Variants in USH2A observed in about 807,000 individuals in gnomAD.
USH2A encodes the protein Usher syndrome 2A (autosomal recessive, mild).
USH2A carries 443 observed loss-of-function variants against 538.9 expected under a neutral mutation model. The observed-to-expected ratio is 0.82, with a 90% CI of 0.76 to 0.89. The LOEUF is 0.89. USH2A is among the 40% of genes least tolerant of loss of function. The pLI, the probability that USH2A is intolerant of heterozygous loss-of-function variation, is 0.00. For missense variants in USH2A, 6,633 were observed against 6,324.8 expected (o/e 1.05, Z -1.65); for synonymous variants, 2,413 against 2,273.5 (o/e 1.06, Z -1.75).
At chr1:216,370,586 A>C (rs970408985) in intron 3 of USH2A, among the ~76,000 whole-genome samples, 2 of 142,772 alleles carry the variant, frequency 1.4e-5, no homozygotes, top group African/African-American at 2.6e-5. Flanking sequence ...AGGCTGAAGC[A>C]GAGAGTTGCT....
chr1:216,005,722 G>A (rs887490170), intron 32 of USH2A, among the ~76,000 whole-genome samples: 9 of 152,088 alleles, frequency 5.9e-5, no homozygotes, highest in Middle Eastern at 3.2e-3. Flanking sequence ...AGCTGTACCT[G>A]TCTGAATGCC....
intron 11 of USH2A, among the ~76,000 whole-genome samples, chr1:216,275,830 T>C (rs2036660811): frequency 6.6e-6 from 1 of 152,186 alleles, no homozygotes. Context: ...ATTTCCTATT[T>C]AGGAATTTTA....
chr1:216,203,459 A>G (rs2035044114), intron 16 of USH2A, among the ~76,000 whole-genome samples: 1 of 152,110 alleles, frequency 6.6e-6, no homozygotes, highest in Non-Finnish European at 1.5e-5. Flanking sequence ...ATTGTACTGT[A>G]GACTCACCTA....
intron 3 of USH2A, among the ~76,000 whole-genome samples, chr1:216,370,969 C>G (rs2038702911): frequency 6.6e-6 from 1 of 152,152 alleles, no homozygotes; most frequent in Non-Finnish European, 1.5e-5. Context: ...TTCCCTATAT[C>G]ATCCCACTGC....
At chr1:215,723,188 A>G (rs1659711663) in intron 61 of USH2A, among the ~76,000 whole-genome samples, 1 of 152,158 alleles carries the variant, frequency 6.6e-6, no homozygotes, top group African/African-American at 2.4e-5. Flanking sequence ...AGAAAGACCT[A>G]CATAGAGATG....
At chr1:215,969,235 A>G (rs919008303) in intron 36 of USH2A, among the ~76,000 whole-genome samples, 3 of 152,204 alleles carry the variant, frequency 2.0e-5, no homozygotes, top group Non-Finnish European at 2.9e-5. Context: ...AAAAGTACCA[A>G]GGGAGAAAAT....
intron 37 of USH2A, among the ~76,000 whole-genome samples, chr1:215,958,676 T>C (rs1256626381): frequency 6.6e-6 from 1 of 152,082 alleles, no homozygotes. Flanking sequence ...CTTCCAGATG[T>C]TACCACTGCA....
chr1:215,758,576 A>T lies in USH2A; in HGVS notation c.11389+19T>A. 8.7e-6 allele frequency: 14 copies of T among 1,603,058 alleles called. No homozygotes were observed. The highest frequency in any genetic ancestry group is 1.2e-5 in the Non-Finnish European group (14 of 1,172,890). ...AAAATGTTTACACACACACACACATACTTCTTTTTTTTTTTTACCTGGTGG... is the reference window on the plus strand; with the variant it reads ...AAAATGTTTACACACACACACACATTCTTCTTTTTTTTTTTTACCTGGTGG... On this transcript the variant is annotated intron_variant, in intron 58 of 71. Coordinates refer to ENST00000307340, the MANE Select transcript of USH2A (RefSeq NM_206933.4).
chr1:216,211,752 G>A (rs779083373), intron 15 of USH2A, among the ~76,000 whole-genome samples: 8 of 152,044 alleles, frequency 5.3e-5, no homozygotes, highest in South Asian at 2.1e-4. Context: ...AATTATTTCC[G>A]AATAACACCT....
At chr1:215,906,395 T>A (rs551840481) in intron 38 of USH2A, among the ~76,000 whole-genome samples, 1 of 152,132 alleles carries the variant, frequency 6.6e-6, no homozygotes, top group South Asian at 2.1e-4. Context: ...AGAGAGAAGT[T>A]AAATATTTCA....
chr1:215,982,228 C>T (rs1667768292), intron 35 of USH2A, among the ~76,000 whole-genome samples: 1 of 152,150 alleles, frequency 6.6e-6, no homozygotes, highest in Non-Finnish European at 1.5e-5. Context: ...TATTCCTTGC[C>T]CTGGTGGCCT....
chr1:216,175,146 T>A, intron 21 of USH2A, 106 bp downstream of exon 21: 1 of 1,546,044 alleles, frequency 6.5e-7, no homozygotes, highest in Non-Finnish European at 8.8e-7. Flanking sequence ...GAATTAGTAT[T>A]TCTCTAAGTA....
At chr1:216,221,481 T>A (rs1288358641) in intron 14 of USH2A, among the ~76,000 whole-genome samples, 1 of 152,204 alleles carries the variant, frequency 6.6e-6, no homozygotes, top group Non-Finnish European at 1.5e-5. Flanking sequence ...GGAGAGGGAT[T>A]TGAGGCTTGG....
At chr1:215,808,118 T>C (rs1334656565) in intron 49 of USH2A, among the ~76,000 whole-genome samples, 2 of 152,140 alleles carry the variant, frequency 1.3e-5, no homozygotes, top group East Asian at 1.9e-4. Context: ...ACAAAACTTA[T>C]GCTTTCATAA....
In USH2A at chr1:216,422,177, T is replaced by A; in HGVS notation, c.160A>T (p.Thr54Ser). The A allele has an allele frequency of 6.2e-7, 1 of 1,613,118 alleles. No individual in the cohort carries two copies. The highest frequency in any genetic ancestry group is 8.5e-7 in the Non-Finnish European group (1 of 1,179,428). Residue 54 changes from threonine (T) to serine (S), a missense_variant, in exon 2 of 72, where the codon ACC (threonine) becomes TCC (serine). Physicochemically the swap from Thr to Ser is moderately conservative, Grantham distance 58. Transcript: ENST00000307340. ...TCTGGGAGTCCACATACTGCTTGGG[T>A]TGGCACGATGGAAACTTTCTTGAAA... ...GAFKKVSIVP[T>S]QAVCGLPDRS...
intron 50 of USH2A, among the ~76,000 whole-genome samples, chr1:215,792,698 G>T (rs1193925670): frequency 6.6e-6 from 1 of 152,208 alleles, no homozygotes; most frequent in Admixed American, 6.5e-5. Flanking sequence ...GCATGAATGA[G>T]CTGCAAATTC....
intron 11 of USH2A, among the ~76,000 whole-genome samples, chr1:216,277,870 C>T (rs2036700541): frequency 6.6e-6 from 1 of 152,056 alleles, no homozygotes; most frequent in East Asian, 1.9e-4. Flanking sequence ...ATGGAAGGAG[C>T]ATGTGTCCCT....
In USH2A at chr1:216,097,091, C is replaced by G. The variant is rs1456834167; in HGVS notation, c.4750G>C (p.Asp1584His). The G allele has an allele frequency of 6.2e-7, 1 of 1,613,656 alleles. No homozygotes were observed. Among genetic ancestry groups the G allele is most frequent in the African/African-American group, 1.3e-5 (1 of 74,886 alleles). Residue 1584 changes from aspartate (D) to histidine (H), a missense_variant, in exon 22 of 72, where the codon GAT becomes CAT. By Grantham distance (81) the Asp-to-His change is moderately conservative. Transcript: ENST00000307340. ...TATGATTTCTCATTTACCTGAGGATCAAAAAGAAAATAAAGACGTCCCTTC... is the reference window on the plus strand; with the variant it reads ...TATGATTTCTCATTTACCTGAGGATGAAAAAGAAAATAAAGACGTCCCTTC... ...LKKGRLYFLF[D>H]PQGSPVEVTT...
At chr1:216,264,412 C>A (rs1066189) in intron 11 of USH2A, among the ~76,000 whole-genome samples, 95,614 of 151,708 alleles carry the variant, frequency 0.63, 30,516 homozygotes, top group East Asian at 0.72. Flanking sequence ...GTTCTCCTGC[C>A]TCAGCCTCCT....
Sources: gnomAD v4.1 joint callset for allele counts (sites outside exome capture counted in the v4.1 genomes callset) on GRCh38, gnomAD v4.1.1 for gene constraint, MANE v1.5 for transcripts, NCBI Gene and HGNC (gene_info 2026-07-23, HGNC 2026-07-21) for gene names.